Variants in POFUT4 observed in about 807,000 individuals in gnomAD.
The protein encoded by POFUT4 is protein O-fucosyltransferase 4.
chr10:73,773,482 C>T, the POFUT4 span: 1 of 1,614,208 alleles, frequency 6.2e-7, no homozygotes, highest in Non-Finnish European at 8.5e-7. Flanking sequence ...CAGAAGCTGG[C>T]AGAGTTTATT....
the POFUT4 span, chr10:73,772,466 G>A: frequency 3.9e-6 from 6 of 1,553,794 alleles, no homozygotes; most frequent in South Asian, 1.2e-5. Context: ...GTGGGATGGC[G>A]CGGTTTTCCG....
chr10:73,779,544 CAA>C, the POFUT4 span: 2 of 133,714 alleles, frequency 1.5e-5, no homozygotes, highest in African/African-American at 5.6e-5. Context: ...GCCTGGACAA[CAA>C]GAGCAAAACT....
At chr10:73,773,006 G>C in the POFUT4 span, 2 of 1,587,984 alleles carry the variant, frequency 1.3e-6, no homozygotes, top group Non-Finnish European at 1.7e-6. Context: ...AGCGGACCGG[G>C]ACCGCTACGT....
chr10:73,775,727 T>A, the POFUT4 span: 2 of 1,605,662 alleles, frequency 1.2e-6, no homozygotes, highest in South Asian at 1.1e-5. Flanking sequence ...GCTAAGGAGA[T>A]CTTATTCTAC....
the POFUT4 span, among the ~76,000 whole-genome samples, chr10:73,776,974 C>A: frequency 9.9e-5 from 15 of 152,180 alleles, no homozygotes; most frequent in Non-Finnish European, 1.8e-4. Flanking sequence ...CCACCGCACC[C>A]GGCCTCAAAT....
chr10:73,778,712 G>C, the POFUT4 span: 1 of 152,310 alleles, frequency 6.6e-6, no homozygotes, highest in African/African-American at 2.4e-5. Flanking sequence ...GCCAAGAAAA[G>C]CTGTAATTAG....
At chr10:73,772,618 C>A in the POFUT4 span, 1 of 1,562,272 alleles carries the variant, frequency 6.4e-7, no homozygotes, top group South Asian at 1.2e-5. Context: ...ACTCGGAGCG[C>A]ATCGAGTGTG....
chr10:73,774,197 T>C, the POFUT4 span: 1 of 176,100 alleles, frequency 5.7e-6, no homozygotes, highest in South Asian at 1.6e-4. Context: ...TCAACTCAGC[T>C]ATTTGAGCAC....
the POFUT4 span, chr10:73,772,984 C>T: frequency 1.3e-6 from 2 of 1,598,338 alleles, no homozygotes; most frequent in South Asian, 2.2e-5. Flanking sequence ...TGCAGTCACA[C>T]TGCGACGTGC....
At chr10:73,772,565 C>G in the POFUT4 span, 2 of 1,587,642 alleles carry the variant, frequency 1.3e-6, no homozygotes, top group Non-Finnish European at 8.6e-7. Flanking sequence ...CTTGCCGGTA[C>G]TGCTGTGGTG....
chr10:73,775,584 CA>C, the POFUT4 span: 12 of 1,614,136 alleles, frequency 7.4e-6, no homozygotes, highest in Admixed American at 3.3e-5. Context: ...AGGTCTGGAC[CA>C]GGGGGAAGCT....
the POFUT4 span, chr10:73,773,234 C>T: frequency 1.2e-5 from 20 of 1,613,380 alleles, no homozygotes; most frequent in African/African-American, 2.4e-4. Context: ...AGCTGCCTAC[C>T]GCGCGGCTAC....
At chr10:73,778,391 C>CAAA in the POFUT4 span, among the ~76,000 whole-genome samples, 6 of 43,000 alleles carry the variant, frequency 1.4e-4, no homozygotes, top group Admixed American at 2.6e-4. Context: ...AACTCCATCC[C>CAAA]AAAAAAAAAA....
At chr10:73,776,754 A>G in the POFUT4 span, among the ~76,000 whole-genome samples, 3 of 152,124 alleles carry the variant, frequency 2.0e-5, no homozygotes, top group African/African-American at 4.8e-5. Flanking sequence ...ATCTCGGGTC[A>G]CTGCAACCTC....
chr10:73,779,539 GACA>G, the POFUT4 span: 1 of 142,250 alleles, frequency 7.0e-6, no homozygotes. Context: ...CTCCAGCCTG[GACA>G]ACAAGAGCAA....
chr10:73,772,484 T>G, the POFUT4 span: 4 of 1,551,784 alleles, frequency 2.6e-6, no homozygotes, highest in Non-Finnish European at 3.5e-6. Context: ...CCGGCCGCCC[T>G]CGGCGCTGGG....
chr10:73,773,665 A>G, the POFUT4 span: 2 of 1,614,210 alleles, frequency 1.2e-6, no homozygotes, highest in Non-Finnish European at 1.7e-6. Flanking sequence ...TGTGACTACG[A>G]ACTGGCTCGG....
chr10:73,776,748 C>T, the POFUT4 span, among the ~76,000 whole-genome samples: 8 of 152,124 alleles, frequency 5.3e-5, no homozygotes, highest in African/African-American at 1.7e-4. Flanking sequence ...GGCATGATCT[C>T]GGGTCACTGC....
At chr10:73,772,515 G>C in the POFUT4 span, 4 of 1,563,200 alleles carry the variant, frequency 2.6e-6, no homozygotes, top group Non-Finnish European at 3.5e-6. Flanking sequence ...GTGACGCGCA[G>C]CTCTGGGACG....
Sources: gnomAD v4.1 joint callset for allele counts (sites outside exome capture counted in the v4.1 genomes callset) on GRCh38, gnomAD v4.1.1 for gene constraint, MANE v1.5 for transcripts, NCBI Gene and HGNC (gene_info 2026-07-23, HGNC 2026-07-21) for gene names.